PHF8: variants seen among roughly 807,000 people sequenced by gnomAD.
PHF8 encodes PHD finger protein 8, also known as histone lysine demethylase PHF8.
Under a neutral mutation model 74.4 loss-of-function variants are expected in PHF8, and 9 were observed. That is an observed-to-expected ratio of 0.12 (90% confidence interval 0.07 to 0.21). The LOEUF is 0.21. PHF8 is among the 10% of genes least tolerant of loss of function. The pLI, the probability that PHF8 is intolerant of heterozygous loss-of-function variation, is 1.00. For synonymous variants in PHF8, 311 were observed against 316.6 expected (o/e 0.98, Z 0.19); for missense variants, 478 against 816.6 (o/e 0.59, Z 5.05).
chrX:54,048,834 A>G (rs1177112156), upstream of PHF8: 3 of 112,590 alleles, frequency 2.7e-5, no homozygotes, highest in Non-Finnish European at 5.6e-5. Flanking sequence ...ATGTAAATGC[A>G]TTCCCATTAT....
intron 20 of PHF8, among the ~76,000 whole-genome samples, chrX:53,941,116 G>C (rs944288769): frequency 4.5e-5 from 5 of 112,112 alleles, no homozygotes; most frequent in African/African-American, 1.6e-4. Context: ...GATAAATCTG[G>C]TTCAAATCCA....
intron 18 of PHF8, among the ~76,000 whole-genome samples, chrX:53,968,169 C>T (rs1214948701): frequency 6.6e-5 from 7 of 105,425 alleles, no homozygotes; most frequent in South Asian, 4.2e-4. Context: ...ACTTGGGGGA[C>T]GCAAAGAAAG....
intron 2 of PHF8, among the ~76,000 whole-genome samples, chrX:54,041,282 G>C (rs782788555): frequency 5.5e-5 from 6 of 108,940 alleles, no homozygotes; most frequent in Non-Finnish European, 1.1e-4. Flanking sequence ...TACTCGGGAG[G>C]CTGAGGCACG....
rs181112876 is a variant in PHF8, at chrX:54,033,733, C to A, written c.98+8898G>T. On this transcript the variant is annotated intron_variant, in intron 2 of 21. Coordinates refer to ENST00000338154, the MANE Select transcript of PHF8 (RefSeq NM_015107.3). ...CATCTCAGAAAAAAATCATCATCAT[C>A]ATAATAAAATAAATAAATACATAGA... Among the ~76,000 whole-genome samples, 292 of 108,804 alleles carry A rather than the reference C, an allele frequency of 2.7e-3. 1 individual carries two copies. Among genetic ancestry groups the A allele is most frequent in the African/African-American group, 7.6e-3 (226 of 29,896 alleles). The allele number at this position is 108,804 out of a possible 115,157, so 94.5% of individuals were successfully genotyped here.
intron 2 of PHF8, among the ~76,000 whole-genome samples, chrX:54,032,346 T>A (rs951478790): frequency 9.0e-6 from 1 of 110,763 alleles, no homozygotes; most frequent in Non-Finnish European, 1.9e-5. Flanking sequence ...CTGTATATGA[T>A]CTGCACACCC....
intron 19 of PHF8, among the ~76,000 whole-genome samples, chrX:53,955,140 T>G (rs1290875565): frequency 1.8e-5 from 2 of 112,106 alleles, no homozygotes; most frequent in Non-Finnish European, 1.9e-5. Flanking sequence ...CTGGTATATA[T>G]CCAATGATTT....
rs140678764 is a variant in PHF8 at position 54,013,933 on chromosome X, C to T, written c.783+444G>A. On this transcript the variant is annotated intron_variant, in intron 7 of 21. Coordinates refer to ENST00000338154, the MANE Select transcript of PHF8 (RefSeq NM_015107.3). ...TCAGGCATCTGCTATTATTCAAAAACGTTTGATTCGTCAAACATTTTTGAA... is the reference window on the plus strand; with the variant it reads ...TCAGGCATCTGCTATTATTCAAAAATGTTTGATTCGTCAAACATTTTTGAA... Among the ~76,000 whole-genome samples, 837 of 111,577 alleles carry T rather than the reference C, an allele frequency of 7.5e-3. 3 individuals are homozygous for T. Among genetic ancestry groups the T allele is most frequent in the African/African-American group, 0.026 (790 of 30,829 alleles).
intron 19 of PHF8, among the ~76,000 whole-genome samples, chrX:53,961,791 G>GAA (rs2065110073): frequency 1.8e-5 from 2 of 111,268 alleles, no homozygotes; most frequent in Admixed American, 9.7e-5. Flanking sequence ...CACAGGTACT[G>GAA]AAATCCCAAT....
At chrX:54,002,129 A>T in intron 10 of PHF8, 26 bp downstream of exon 10, 4 of 915,441 alleles carry the variant, frequency 4.4e-6, no homozygotes, top group Non-Finnish European at 4.8e-6. Flanking sequence ...AGGGGCAAAA[A>T]GGACAGTTGG....
Position 53,938,182 on chromosome X carries a change from C to T in PHF8, c.*976G>A. On this transcript the variant is annotated 3_prime_UTR_variant, in exon 22 of 22. Transcript: ENST00000338154. ...GAGGACCCAGGTGTGGGCCGTCCCG[C>T]CACACCCTCCATAATGTCCAGGCTG... The T allele has an allele frequency of 9.1e-7, 1 of 1,100,496 alleles. No individual in the cohort carries two copies. The allele number at this position is 1,100,496 out of a possible 1,213,427, so 90.7% of individuals were successfully genotyped here. A position where few individuals can be genotyped will look rare whatever the true frequency, so the allele number is the denominator to read the frequency against.
At chrX:54,008,371 CAAA>C (rs34539175) in intron 8 of PHF8, among the ~76,000 whole-genome samples, 1 of 36,231 alleles carries the variant, frequency 2.8e-5, no homozygotes. Flanking sequence ...AATACTCCGT[CAAA>C]AAAAAAAAAA....
At chrX:53,974,045 G>A (rs782547454) in intron 18 of PHF8, among the ~76,000 whole-genome samples, 1 of 111,113 alleles carries the variant, frequency 9.0e-6, no homozygotes, top group Non-Finnish European at 1.9e-5. Context: ...GGATCACGAG[G>A]TCAGGAGATG....
intron 16 of PHF8, among the ~76,000 whole-genome samples, chrX:53,986,438 T>C (rs2065567420): frequency 8.9e-6 from 1 of 112,078 alleles, no homozygotes; most frequent in African/African-American, 3.2e-5. Context: ...TTTCACCATA[T>C]TGGCCAGGAT....
At chrX:53,947,915 A>T (rs1186967465) in intron 19 of PHF8, among the ~76,000 whole-genome samples, 1 of 111,796 alleles carries the variant, frequency 8.9e-6, no homozygotes, top group Non-Finnish European at 1.9e-5. Context: ...CAGGCATCAA[A>T]CATGTAAGTG....
Position 53,984,936 on chromosome X carries a change from C to T in PHF8, c.2421G>A (p.Ala807=), listed in dbSNP as rs1219384128. ...ASLDEQDSLG[A]CFKDAEYIYP... Reference sequence around the variant, plus strand: ...TACTATACTCTGCATCCTTGAAGCACGCTCCCAAGCTGTCCTGTTCATCCA... The same window carrying T: ...TACTATACTCTGCATCCTTGAAGCATGCTCCCAAGCTGTCCTGTTCATCCA... The change falls in exon 18 of 22, where the codon GCG becomes GCA. Residue 807 remains alanine (A), a synonymous_variant. Coordinates refer to ENST00000338154, the MANE Select transcript of PHF8 (RefSeq NM_015107.3). 1.2e-5 allele frequency: 14 copies of T among 1,210,204 alleles called. No homozygotes were observed. Among genetic ancestry groups the T allele is most frequent in the African/African-American group, 3.5e-5 (2 of 57,690 alleles).
At chrX:53,995,250 TAAC>T (rs1569527569) in intron 12 of PHF8, 5 of 340,144 alleles carry the variant, frequency 1.5e-5, no homozygotes, top group Non-Finnish European at 2.9e-5. Context: ...ATATTAATAA[TAAC>T]AACAACTACA....
chrX:54,023,841 C>CG (rs2066218900), intron 2 of PHF8, among the ~76,000 whole-genome samples: 1 of 39,191 alleles, frequency 2.6e-5, no homozygotes, highest in African/African-American at 9.2e-5. Context: ...ACCCTGTCTC[C>CG]AAAAAAAAAA....
Position 53,992,837 on chromosome X carries a change from G to C in PHF8, c.1629C>G (p.Phe543Leu). 8.6e-7 allele frequency: 1 copy of C among 1,159,452 alleles called. No individual in the cohort carries two copies. Among genetic ancestry groups the C allele is most frequent in the Non-Finnish European group, 1.2e-6 (1 of 849,345 alleles). The stretch of plus-strand genomic sequence containing the variant: ...CATTCAAGCAGGCACCAGTGATGTT[G>C]AACTGTAGAAGTAGGAGACTCAGCC... Reference protein sequence around the residue: ...LKTGSFQKAKFNITGACLNDS... With the variant: ...LKTGSFQKAKLNITGACLNDS... The change falls in exon 14 of 22, where the codon TTC becomes TTG. Residue 543 changes from phenylalanine (F) to leucine (L), a missense_variant and splice_region_variant. Physicochemically the swap from Phe to Leu is conservative, Grantham distance 22. Around this residue, in one of 9 missense-constraint regions of PHF8, gnomAD observed 153 missense variants for 164.8 expected, o/e 0.93. Coordinates refer to ENST00000338154, the MANE Select transcript of PHF8 (RefSeq NM_015107.3).
chrX:54,008,252 G>A (rs950962746), intron 8 of PHF8, among the ~76,000 whole-genome samples: 5 of 109,673 alleles, frequency 4.6e-5, no homozygotes, highest in Admixed American at 2.9e-4. Context: ...CTGTAGTCCC[G>A]GCTATGCGGG....
Sources: gnomAD v4.1 joint callset for allele counts (sites outside exome capture counted in the v4.1 genomes callset) on GRCh38, gnomAD v4.1.1 for gene constraint, gnomAD v4.1.1 regional missense constraint, MANE v1.5 for transcripts, NCBI Gene and HGNC (gene_info 2026-07-23, HGNC 2026-07-21) for gene names.